The following CCSER1 variants were observed in gnomAD, a reference collection of about 807,000 sequenced individuals.
CCSER1 encodes the protein coiled-coil serine rich protein 1, also known as serine-rich coiled-coil domain-containing protein 1.
Under a neutral mutation model 82.0 loss-of-function variants are expected in CCSER1, and 41 were observed. The ratio of observed to expected loss-of-function variants is 0.50; its 90% CI spans 0.39 to 0.65. The LOEUF is 0.65. Ranked by LOEUF, CCSER1 falls within the 30% of genes least tolerant of loss-of-function variation. The pLI is 0.00. For synonymous variants in CCSER1, 414 were observed against 383.9 expected, an observed-to-expected ratio of 1.08 and a Z score of -0.92; for missense variants, 1,119 against 1,064.2, an observed-to-expected ratio of 1.05 and a Z score of -0.72.
intron 5 of CCSER1, among the ~76,000 whole-genome samples, chr4:90,586,948 A>G (rs1180297586): frequency 1.3e-5 from 2 of 152,180 alleles, no homozygotes; most frequent in Admixed American, 6.5e-5. Context: ...AAAGATCTTC[A>G]GATAGGGTGA....
At chr4:90,886,340 A>G (rs1236703050) in intron 8 of CCSER1, among the ~76,000 whole-genome samples, 1 of 152,156 alleles carries the variant, frequency 6.6e-6, no homozygotes, top group Non-Finnish European at 1.5e-5. Context: ...ATTCAGCTTC[A>G]GTCTTTTCTT....
At chr4:90,588,714 C>T (rs1343781834) in intron 5 of CCSER1, among the ~76,000 whole-genome samples, 1 of 152,136 alleles carries the variant, frequency 6.6e-6, no homozygotes, top group African/African-American at 2.4e-5. Flanking sequence ...CGGTTTCCCC[C>T]ATACTGTTCT....
intron 1 of CCSER1, among the ~76,000 whole-genome samples, chr4:90,176,444 A>G (rs1206196635): frequency 1.3e-5 from 2 of 152,056 alleles, no homozygotes; most frequent in Non-Finnish European, 2.9e-5. Flanking sequence ...TGAAATAAAC[A>G]TAGTGAATAG....
intron 10 of CCSER1, among the ~76,000 whole-genome samples, chr4:91,405,673 A>G (rs1047050680): frequency 6.6e-6 from 1 of 152,164 alleles, no homozygotes; most frequent in Admixed American, 6.6e-5. Flanking sequence ...GGACCCTCCA[A>G]TCTAAGCACA....
chr4:90,256,551 AC>A, intron 1 of CCSER1, among the ~76,000 whole-genome samples: 1 of 152,268 alleles, frequency 6.6e-6, no homozygotes, highest in African/African-American at 2.4e-5. Flanking sequence ...GCTGGGTCTT[AC>A]ATGCCCTGTG....
At chr4:90,595,466 T>A (rs1783217888) in intron 5 of CCSER1, among the ~76,000 whole-genome samples, 1 of 151,638 alleles carries the variant, frequency 6.6e-6, no homozygotes, top group Non-Finnish European at 1.5e-5. Flanking sequence ...TTAACCTTCA[T>A]AATATATTTG....
At chr4:90,838,824 A>C (rs1561225156) in intron 8 of CCSER1, 1 of 1,578,650 alleles carries the variant, frequency 6.3e-7, no homozygotes, top group Non-Finnish European at 8.7e-7. Context: ...GCATCTTACA[A>C]AGTTAAACAG....
At chr4:91,326,319 C>A (rs1038009705) in intron 10 of CCSER1, among the ~76,000 whole-genome samples, 2 of 152,068 alleles carry the variant, frequency 1.3e-5, no homozygotes, top group African/African-American at 4.8e-5. Context: ...ACAATCATGG[C>A]AGAAGGTGAA....
chr4:90,932,492 T>A (rs1322343705), intron 9 of CCSER1, among the ~76,000 whole-genome samples: 1 of 152,050 alleles, frequency 6.6e-6, no homozygotes, highest in East Asian at 1.9e-4. Flanking sequence ...AAAGTGCTAA[T>A]ATAGAATGAA....
intron 3 of CCSER1, among the ~76,000 whole-genome samples, chr4:90,361,328 C>G (rs1745330051): frequency 6.6e-6 from 1 of 152,182 alleles, no homozygotes; most frequent in Admixed American, 6.5e-5. Context: ...TGCTTCTGCT[C>G]CACCTCTCCC....
At chr4:90,360,075 G>A (rs1270229924) in intron 3 of CCSER1, among the ~76,000 whole-genome samples, 2 of 148,820 alleles carry the variant, frequency 1.3e-5, no homozygotes, top group African/African-American at 2.4e-5. Flanking sequence ...CCGCCATCAC[G>A]CCTGGCTAAT....
intron 1 of CCSER1, among the ~76,000 whole-genome samples, chr4:90,157,302 T>C (rs1728429433): frequency 6.6e-6 from 1 of 152,204 alleles, no homozygotes; most frequent in African/African-American, 2.4e-5. Context: ...TGGCTGCCCT[T>C]AACATTTTTT....
intron 9 of CCSER1, among the ~76,000 whole-genome samples, chr4:90,966,605 A>G (rs759621107): frequency 2.6e-5 from 4 of 152,152 alleles, no homozygotes; most frequent in Non-Finnish European, 4.4e-5. Context: ...AAAGTCCTTC[A>G]GACTGAAAGA....
intron 6 of CCSER1, among the ~76,000 whole-genome samples, chr4:90,663,202 A>T (rs930502461): frequency 1.3e-5 from 2 of 152,228 alleles, no homozygotes; most frequent in Non-Finnish European, 2.9e-5. Flanking sequence ...AATTGTGTTA[A>T]TCCACACTTG....
intron 10 of CCSER1, among the ~76,000 whole-genome samples, chr4:91,317,607 T>TGTGTGTGTGTGC (rs1745924219): frequency 6.6e-6 from 1 of 151,920 alleles, no homozygotes; most frequent in African/African-American, 2.4e-5. Context: ...TGTGTGCGTG[T>TGTGTGTGTGTGC]GTGTGTGTGT....
At chr4:90,721,603 TA>T (rs1742691467) in intron 6 of CCSER1, among the ~76,000 whole-genome samples, 1 of 151,782 alleles carries the variant, frequency 6.6e-6, no homozygotes, top group East Asian at 1.9e-4. Context: ...AAATGTAACT[TA>T]AGTATTTTAT....
chr4:90,749,754 G>A (rs1323557834), intron 7 of CCSER1, among the ~76,000 whole-genome samples: 4 of 151,900 alleles, frequency 2.6e-5, no homozygotes, highest in East Asian at 1.9e-4. Context: ...GTAAACATAC[G>A]TGTGCATGTG....
At chr4:91,448,375 A>G (rs1268771823) in intron 10 of CCSER1, among the ~76,000 whole-genome samples, 2 of 152,226 alleles carry the variant, frequency 1.3e-5, no homozygotes, top group East Asian at 3.9e-4. Context: ...TCAATAAAAT[A>G]TCTTAGCTCA....
At chr4:90,521,294 G>A (rs1163688618) in intron 5 of CCSER1, among the ~76,000 whole-genome samples, 1 of 152,108 alleles carries the variant, frequency 6.6e-6, no homozygotes, top group African/African-American at 2.4e-5. Flanking sequence ...AAGTAAAGAA[G>A]GACAAAAGGA....
Sources: gnomAD v4.1 joint callset for allele counts (sites outside exome capture counted in the v4.1 genomes callset) on GRCh38, gnomAD v4.1.1 for gene constraint, MANE v1.5 for transcripts, NCBI Gene and HGNC (gene_info 2026-07-23, HGNC 2026-07-21) for gene names.